Variants in EFCAB11 observed in about 807,000 individuals in gnomAD.
EFCAB11 encodes EF-hand calcium-binding domain-containing protein 11.
Under a neutral mutation model 23.0 loss-of-function variants are expected in EFCAB11, and 14 were observed. The ratio of observed to expected loss-of-function variants is 0.61; its 90% confidence interval spans 0.40 to 0.95. The LOEUF is 0.95. Among genes scored for constraint, EFCAB11 ranks in the 40% least tolerant of loss-of-function variants. The probability of loss-of-function intolerance (pLI) is 0.00; values close to 1 mark genes in which losing one functional copy is unlikely to be tolerated. For synonymous variants in EFCAB11, 65 were observed against 66.6 expected (o/e 0.98, Z 0.11); for missense variants, 198 against 195.8 (o/e 1.01, Z -0.07).
intron 5 of EFCAB11, among the ~76,000 whole-genome samples, chr14:89,834,400 A>C (rs1281977356): frequency 3.3e-5 from 5 of 151,128 alleles, no homozygotes; most frequent in African/African-American, 1.2e-4. Context: ...AAAAAAAAAA[A>C]AAACCTTTTT....
chr14:89,857,765 T>C (rs1887798773), intron 5 of EFCAB11, among the ~76,000 whole-genome samples: 1 of 152,178 alleles, frequency 6.6e-6, no homozygotes. Flanking sequence ...AAGTTCTGAA[T>C]TATGGTCTAG....
intron 5 of EFCAB11, among the ~76,000 whole-genome samples, chr14:89,908,458 A>T (rs1256178179): frequency 6.6e-6 from 1 of 152,226 alleles, no homozygotes; most frequent in South Asian, 2.1e-4. Context: ...TTCCATACAT[A>T]AGTATTTAAG....
intron 5 of EFCAB11, among the ~76,000 whole-genome samples, chr14:89,843,679 T>C (rs1887342478): frequency 6.6e-6 from 1 of 152,238 alleles, no homozygotes; most frequent in Non-Finnish European, 1.5e-5. Context: ...TTAACATATA[T>C]TGGGGCATCT....
chr14:89,886,504 C>T (rs1278650245), intron 5 of EFCAB11, among the ~76,000 whole-genome samples: 8 of 106,418 alleles, frequency 7.5e-5, no homozygotes, highest in African/African-American at 1.9e-4. Flanking sequence ...AGCAACAGAG[C>T]GAAACTCCGT....
Position 89,932,617 on chromosome 14 carries a change from G to T in EFCAB11, c.228C>A (p.Leu76=). 6.2e-7 allele frequency: 1 copy of T among 1,612,870 alleles called. No individual in the cohort carries two copies. ...TCCTGACAATATTTAAAAACCCCTC[G>T]AGTAATATACCTAAAAGTTGGGGAA... The part of the protein sequence containing the change: ...SINPNTSGIL[L]EGFLNIVRKK... Residue 76 remains leucine (L), a synonymous_variant, in exon 4 of 6, where the codon CTC becomes CTA. Transcript: ENST00000316738.
At chr14:89,847,104 T>C (rs941229292) in intron 5 of EFCAB11, among the ~76,000 whole-genome samples, 1 of 152,258 alleles carries the variant, frequency 6.6e-6, no homozygotes, top group African/African-American at 2.4e-5. Flanking sequence ...CCCAAAGCAA[T>C]CTGGCCTTTG....
chr14:89,903,407 C>T (rs989118723), intron 5 of EFCAB11, among the ~76,000 whole-genome samples: 1 of 152,076 alleles, frequency 6.6e-6, no homozygotes, highest in African/African-American at 2.4e-5. Flanking sequence ...AAACTTCACG[C>T]ATTTGAAAAA....
rs548130353 is a variant in EFCAB11 at position 89,950,984 on chromosome 14, T to C, written c.172-842A>G. ...TGCATACTCTTCCTGGGCAATGCCA[T>C]CCAGCCTCGTGTTTTGAGCAACCAC... On this transcript the variant is annotated intron_variant, in intron 2 of 5. Coordinates refer to ENST00000316738, the MANE Select transcript of EFCAB11 (RefSeq NM_145231.4). Among the ~76,000 whole-genome samples, 5 of 152,236 alleles carry C rather than the reference T, an allele frequency of 3.3e-5. No homozygotes were observed. In the South Asian group the frequency reaches 1.0e-3, roughly 32 times the overall value.
At chr14:89,879,736 G>T (rs1888546097) in intron 5 of EFCAB11, among the ~76,000 whole-genome samples, 1 of 152,114 alleles carries the variant, frequency 6.6e-6, no homozygotes, top group Non-Finnish European at 1.5e-5. Context: ...ATTATTCATG[G>T]AGACAATAAT....
intron 3 of EFCAB11, among the ~76,000 whole-genome samples, chr14:89,933,036 T>C (rs1356175804): frequency 1.3e-5 from 2 of 152,214 alleles, no homozygotes; most frequent in East Asian, 3.8e-4. Flanking sequence ...GATGTCACTA[T>C]GGCAGGTTTT....
chr14:89,916,859 TTTTA>T (rs1392636894), intron 5 of EFCAB11, among the ~76,000 whole-genome samples: 3 of 152,234 alleles, frequency 2.0e-5, no homozygotes, highest in Non-Finnish European at 2.9e-5. Flanking sequence ...ATTTTTAAAC[TTTTA>T]TTTGTTTCTT....
intron 5 of EFCAB11, among the ~76,000 whole-genome samples, chr14:89,874,032 T>C (rs1888360487): frequency 6.6e-6 from 1 of 152,102 alleles, no homozygotes; most frequent in African/African-American, 2.4e-5. Context: ...CTAGCAGAGG[T>C]TCTCCATGAG....
chr14:89,950,049 T>G, intron 3 of EFCAB11, 48 bp downstream of exon 3: 1 of 1,483,742 alleles, frequency 6.7e-7, no homozygotes, highest in Non-Finnish European at 9.1e-7. Flanking sequence ...CCAAGCCATC[T>G]CAGTGTCTAA....
intron 5 of EFCAB11, among the ~76,000 whole-genome samples, chr14:89,828,852 T>C (rs1265174195): frequency 6.6e-6 from 1 of 152,194 alleles, no homozygotes; most frequent in African/African-American, 2.4e-5. Flanking sequence ...AGGTATTTAC[T>C]TGGAAATATT....
At position 89,865,889 on chromosome 14, in the gene EFCAB11, A is replaced by G. The variant is rs145422443; in HGVS notation, c.410+65652T>C. Among the ~76,000 whole-genome samples the G allele has an allele frequency of 2.3e-3, 354 of 152,120 alleles. 1 individual carries two copies. Among genetic ancestry groups the G allele is most frequent in the Non-Finnish European group, 4.1e-3 (282 of 68,018 alleles). On this transcript the variant is annotated intron_variant, in intron 5 of 5. Transcript: ENST00000316738. ...CACCATGTTGGCCAGGCTGGTCTCG[A>G]ACTCTTGACCTCAAGTGATCTGCCT...
At chr14:89,920,873 T>C (rs944358469) in intron 5 of EFCAB11, among the ~76,000 whole-genome samples, 1 of 152,086 alleles carries the variant, frequency 6.6e-6, no homozygotes, top group Non-Finnish European at 1.5e-5. Context: ...GAGACCGGCC[T>C]GGCCAACATG....
At chr14:89,808,455 A>C (rs1886046134) in intron 5 of EFCAB11, among the ~76,000 whole-genome samples, 2 of 152,194 alleles carry the variant, frequency 1.3e-5, no homozygotes, top group Admixed American at 1.3e-4. Flanking sequence ...ACTTATATAA[A>C]AATTAAGATT....
chr14:89,849,569 G>A (rs878994265), intron 5 of EFCAB11, among the ~76,000 whole-genome samples: 4 of 148,238 alleles, frequency 2.7e-5, no homozygotes, highest in African/African-American at 7.5e-5. Flanking sequence ...TGTAGCTTCC[G>A]TAATAAGTAT....
rs375782284 is a variant in EFCAB11, at chr14:89,794,968, C to CTTTTTTTTTTTTT, written c.*2262_*2274dup. 1.5e-5 allele frequency: 1 copy of CTTTTTTTTTTTTT among 67,264 alleles called. No homozygotes were observed. The highest frequency in any genetic ancestry group is 7.6e-4 in the South Asian group (1 of 1,316). 4.2% of individuals were successfully genotyped at this position (67,264 alleles called of 1,614,324 possible). The stretch of plus-strand genomic sequence containing the variant: ...TGCTTGATTTGTTTCTACTTAATGT[C>CTTTTTTTTTTTTT]TTTTTTTTTTTTTTTTTTTTTTTTT... On this transcript the variant is annotated 3_prime_UTR_variant, in exon 6 of 6. Coordinates refer to ENST00000316738, the MANE Select transcript of EFCAB11 (RefSeq NM_145231.4).
Sources: allele counts gnomAD v4.1 joint callset (sites outside exome capture counted in the v4.1 genomes callset), GRCh38; gene constraint gnomAD v4.1.1; transcripts MANE v1.5; gene names NCBI Gene and HGNC (gene_info 2026-07-23, HGNC 2026-07-21).